The following EPHX2 variants were observed in gnomAD, a reference collection of about 807,000 sequenced individuals.
The protein encoded by EPHX2 is bifunctional epoxide hydrolase 2.
In EPHX2, 74 loss-of-function variants were observed where a neutral mutation model predicts 78.7. The observed-to-expected ratio is 0.94, with a 90% CI of 0.78 to 1.14. The LOEUF (loss-of-function observed/expected upper bound fraction) is 1.14, where lower values mean the gene tolerates loss of function less well. Among genes scored for constraint, EPHX2 ranks in the 50% most tolerant of loss-of-function variants. The pLI is 0.00. For synonymous variants in EPHX2, 251 were observed against 255.2 expected (o/e 0.98, Z 0.16); for missense variants, 715 against 702.5 (o/e 1.02, Z -0.20).
At chr8:27,504,883 C>T (rs1030320394) in intron 3 of EPHX2, 73 bp from the exon 4 acceptor site, 1 of 1,515,922 alleles carries the variant, frequency 6.6e-7, no homozygotes, top group Admixed American at 1.8e-5. Context: ...TCATTGGAGT[C>T]CCTTGGGGGT....
At position 27,505,109 on chromosome 8, in the gene EPHX2, A is replaced by G. The variant is rs140021176; in HGVS notation, c.500A>G (p.Lys167Arg). The change falls in exon 4 of 19, where the codon AAG becomes AGG. Residue 167 changes from lysine (K) to arginine (R), a missense_variant. Lys to Arg is a conservative substitution (Grantham distance 26). Transcript: ENST00000521400. ...GMVKPEPQIY[K>R]FLLDTLKASP... ...GTCAAACCTGAACCTCAGATCTACAAGTTTCTGCTGGACACCCTGAAGGCC... is the reference window on the plus strand; with the variant it reads ...GTCAAACCTGAACCTCAGATCTACAGGTTTCTGCTGGACACCCTGAAGGCC... 1.1e-5 allele frequency: 17 copies of G among 1,613,906 alleles called. No individual in the cohort carries two copies. The highest frequency in any genetic ancestry group is 8.0e-5 in the African/African-American group (6 of 74,852).
In EPHX2 at chr8:27,540,598, A is replaced by G. The variant is rs1489667520; in HGVS notation, c.1321A>G (p.Met441Val). 1 of 1,614,154 alleles carries G rather than the reference A, an allele frequency of 6.2e-7. No individual in the cohort carries two copies. Among genetic ancestry groups the G allele is most frequent in the Non-Finnish European group, 8.5e-7 (1 of 1,180,002 alleles). Residue 441 changes from methionine (M) to valine (V), a missense_variant, in exon 15 of 19, where the codon ATG becomes GTG. Transcript: ENST00000521400. Reference protein sequence around the residue: ...NSPEEPSLSRMVTEEEIQFYV... With the variant: ...NSPEEPSLSRVVTEEEIQFYV... The stretch of plus-strand genomic sequence containing the variant: ...CCCAGAAGAGCCCAGCCTCAGCAGG[A>G]TGGTCACTGAGGAGGAAATCCAGTT...
Position 27,536,887 on chromosome 8 carries a change from G to A in EPHX2, c.1242+32G>A, listed in dbSNP as rs755952382. The A allele has an allele frequency of 1.7e-5, 28 of 1,612,262 alleles. No individual in the cohort carries two copies. The South Asian group carries it at 2.9e-4, about 16-fold the overall frequency. On this transcript the variant is annotated intron_variant, in intron 13 of 18. Coordinates refer to ENST00000521400, the MANE Select transcript of EPHX2 (RefSeq NM_001979.6). ...GGTGGGGATGGGTGCAGAAGAACAG[G>A]AGGGGGCAGTTGTGAAGGAAGTAGG...
At chr8:27,532,779 G>T (rs1194412975) in intron 12 of EPHX2, among the ~76,000 whole-genome samples, 1 of 152,098 alleles carries the variant, frequency 6.6e-6, no homozygotes, top group South Asian at 2.1e-4. Flanking sequence ...CTAAAGCCAA[G>T]ATGATATCAT....
At chr8:27,516,917 CTAT>C (rs1814477207) in intron 8 of EPHX2, among the ~76,000 whole-genome samples, 1 of 144,196 alleles carries the variant, frequency 6.9e-6, no homozygotes, top group Non-Finnish European at 1.5e-5. Context: ...AATTTCCTTC[CTAT>C]TTTTTTTTTT....
At chr8:27,517,619 A>G (rs752483997) in intron 8 of EPHX2, among the ~76,000 whole-genome samples, 6 of 152,264 alleles carry the variant, frequency 3.9e-5, no homozygotes, top group African/African-American at 9.6e-5. Flanking sequence ...ATCTTTGACA[A>G]GGGTATCAAG....
Position 27,522,626 on chromosome 8 carries a change from A to G in EPHX2, c.1058+118A>G, listed in dbSNP as rs1264581769. On this transcript the variant is annotated intron_variant, in intron 11 of 18. Transcript: ENST00000521400. ...TCAAAAACAAGTAGGTAGTCTGGGA[A>G]GGTGATGTCTTCACTCTTTAGTGTC... The G allele has an allele frequency of 1.2e-5, 12 of 987,334 alleles. No homozygotes were observed. The East Asian group carries it at 2.6e-4, about 22-fold the overall frequency. The allele number at this position is 987,334 out of a possible 1,614,324, so 61.2% of individuals were successfully genotyped here. A position where few individuals can be genotyped will look rare whatever the true frequency, so the allele number is the denominator to read the frequency against.
intron 12 of EPHX2, among the ~76,000 whole-genome samples, chr8:27,532,045 A>G (rs1338728200): frequency 6.6e-6 from 1 of 152,058 alleles, no homozygotes; most frequent in Non-Finnish European, 1.5e-5. Context: ...GCACATGGGA[A>G]GTAAATTGAG....
intron 5 of EPHX2, 102 bp from the exon 6 acceptor site, chr8:27,511,733 GA>G: frequency 1.6e-6 from 2 of 1,231,854 alleles, no homozygotes; most frequent in South Asian, 1.2e-5. Context: ...GGATGGAGTG[GA>G]AAAGGTGATT....
intron 1 of EPHX2, among the ~76,000 whole-genome samples, chr8:27,499,299 G>C (rs62504271): frequency 0.12 from 17,625 of 152,108 alleles, 1,080 homozygotes; most frequent in African/African-American, 0.17. Flanking sequence ...GGAGACAAAC[G>C]TTCAAACCAT....
intron 1 of EPHX2, among the ~76,000 whole-genome samples, chr8:27,491,951 T>C (rs1313459155): frequency 6.9e-6 from 1 of 145,380 alleles, no homozygotes; most frequent in Non-Finnish European, 1.5e-5. Flanking sequence ...CTTTTTTTTG[T>C]GTTTTTTTTT....
chr8:27,508,386 C>T (rs2132729097), intron 5 of EPHX2, among the ~76,000 whole-genome samples: 1 of 152,302 alleles, frequency 6.6e-6, no homozygotes, highest in South Asian at 2.1e-4. Flanking sequence ...CATGACAAGA[C>T]TGATTTTTTT....
intron 12 of EPHX2, among the ~76,000 whole-genome samples, chr8:27,536,138 T>A (rs1415203378): frequency 6.6e-6 from 1 of 152,174 alleles, no homozygotes; most frequent in African/African-American, 2.4e-5. Flanking sequence ...AGGCTATGTG[T>A]CCCAGCTCTT....
chr8:27,496,390 C>T (rs901459386), intron 1 of EPHX2, among the ~76,000 whole-genome samples: 6 of 152,146 alleles, frequency 3.9e-5, no homozygotes, highest in African/African-American at 1.4e-4. Flanking sequence ...CAAGACCATC[C>T]ACGAAAGTTG....
intron 10 of EPHX2, among the ~76,000 whole-genome samples, chr8:27,521,426 G>C (rs1040670442): frequency 2.0e-5 from 3 of 152,140 alleles, no homozygotes; most frequent in Non-Finnish European, 2.9e-5. Context: ...TGAGGTCAGA[G>C]GGGCAGAATG....
intron 6 of EPHX2, among the ~76,000 whole-genome samples, chr8:27,514,930 G>A (rs187288995): frequency 6.6e-6 from 1 of 152,274 alleles, no homozygotes; most frequent in African/African-American, 2.4e-5. Flanking sequence ...CTATGGGTGT[G>A]GCAAAGCTTG....
intron 14 of EPHX2, 141 bp from the exon 15 acceptor site, chr8:27,540,413 A>G: frequency 1.5e-6 from 1 of 658,578 alleles, no homozygotes; most frequent in Non-Finnish European, 2.7e-6. Flanking sequence ...ACTCTGGCAA[A>G]GGATAAGGGA....
chr8:27,543,238 G>T (rs1336852042), intron 16 of EPHX2, among the ~76,000 whole-genome samples: 1 of 152,052 alleles, frequency 6.6e-6, no homozygotes, highest in Non-Finnish European at 1.5e-5. Flanking sequence ...GGAAATTAGG[G>T]TAATGGTGGA....
chr8:27,520,641 G>T (rs537242569), intron 9 of EPHX2, among the ~76,000 whole-genome samples: 1 of 152,106 alleles, frequency 6.6e-6, no homozygotes, highest in East Asian at 1.9e-4. Context: ...GACTGTGCCC[G>T]GCTTAATCTC....
Sources: gnomAD v4.1 joint callset for allele counts (sites outside exome capture counted in the v4.1 genomes callset) on GRCh38, gnomAD v4.1.1 for gene constraint, MANE v1.5 for transcripts, NCBI Gene and HGNC (gene_info 2026-07-23, HGNC 2026-07-21) for gene names.